CDH7: variants seen among roughly 807,000 people sequenced by gnomAD.
The protein encoded by CDH7 is cadherin-7.
In CDH7, 25 loss-of-function variants were observed where a neutral mutation model predicts 71.8. That is an observed-to-expected ratio of 0.35 (90% CI 0.25 to 0.49). The LOEUF is 0.49. Among genes scored for constraint, CDH7 ranks in the 20% least tolerant of loss-of-function variants. The pLI is 0.99. For missense variants in CDH7, 862 were observed against 974.6 expected (o/e 0.88, Z 1.54); for synonymous variants, 381 against 363.8 (o/e 1.05, Z -0.54).
At chr18:65,874,873 A>G (rs1286922669) in intron 11 of CDH7, among the ~76,000 whole-genome samples, 1 of 152,096 alleles carries the variant, frequency 6.6e-6, no homozygotes, top group African/African-American at 2.4e-5. Flanking sequence ...GCATTCTGAC[A>G]TTTGCAAGCA....
rs186434849 is a variant in CDH7 at position 65,774,159 on chromosome 18, C to T, written c.210+11107C>T. Among the ~76,000 whole-genome samples the T allele has an allele frequency of 2.6e-5, 4 of 151,714 alleles. No homozygotes were observed. The South Asian group carries it at 6.3e-4, about 24-fold the overall frequency. On this transcript the variant is annotated intron_variant, in intron 2 of 11. Transcript: ENST00000397968. ...GTTGATATTGGCATAAATTCTATCCCTCTATTAATACAAGCCATGATCTTA... is the reference window on the plus strand; with the variant it reads ...GTTGATATTGGCATAAATTCTATCCTTCTATTAATACAAGCCATGATCTTA...
At chr18:65,848,379 G>A (rs904516611) in intron 7 of CDH7, among the ~76,000 whole-genome samples, 5 of 152,112 alleles carry the variant, frequency 3.3e-5, no homozygotes, top group African/African-American at 4.8e-5. Flanking sequence ...TTACAATCTG[G>A]ATGAAGTAAT....
chr18:65,814,178 A>G (rs7228436), intron 3 of CDH7, among the ~76,000 whole-genome samples: 1 of 151,888 alleles, frequency 6.6e-6, no homozygotes, highest in Admixed American at 6.6e-5. Flanking sequence ...AATGGATGAG[A>G]CACCTAAAGT....
intron 2 of CDH7, among the ~76,000 whole-genome samples, chr18:65,787,452 G>A (rs777014968): frequency 1.1e-4 from 17 of 152,266 alleles, no homozygotes; most frequent in African/African-American, 3.6e-4. Flanking sequence ...TTCAACAGGC[G>A]TTTACCTACT....
At chr18:65,792,235 A>T (rs932636217) in intron 2 of CDH7, among the ~76,000 whole-genome samples, 1 of 141,022 alleles carries the variant, frequency 7.1e-6, no homozygotes, top group Non-Finnish European at 1.5e-5. Flanking sequence ...TAGGGAAGAC[A>T]TCTTAGAGAA....
At chr18:65,846,495 T>C (rs575010663) in intron 7 of CDH7, among the ~76,000 whole-genome samples, 1 of 152,314 alleles carries the variant, frequency 6.6e-6, no homozygotes, top group South Asian at 2.1e-4. Context: ...ATTAATTTCT[T>C]GAGTCATGTT....
intron 4 of CDH7, 43 bp from the exon 5 acceptor site, chr18:65,822,038 C>T (rs1054535050): frequency 6.8e-7 from 1 of 1,460,670 alleles, no homozygotes; most frequent in Non-Finnish European, 9.6e-7. Context: ...AGTATAAATG[C>T]AGTGATTCAT....
intron 6 of CDH7, among the ~76,000 whole-genome samples, chr18:65,836,347 A>G (rs1912532385): frequency 6.6e-6 from 1 of 152,166 alleles, no homozygotes; most frequent in South Asian, 2.1e-4. Flanking sequence ...AAGTATGAAT[A>G]AGAATCTGGA....
rs887900379 is a variant in CDH7, at chr18:65,887,555, A to G, written c.*6661A>G. On this transcript the variant is annotated 3_prime_UTR_variant, in exon 12 of 12. Coordinates refer to ENST00000397968, the MANE Select transcript of CDH7 (RefSeq NM_004361.5). ...AAAAATAAGTCACTACACAACTTAT[A>G]TATATTATGTATTTGTCTTTGAATT... 7 of 152,102 alleles carry G rather than the reference A, an allele frequency of 4.6e-5. No homozygotes were observed. The allele number at this position is 152,102 out of a possible 1,614,324, so 9.4% of individuals were successfully genotyped here.
intron 1 of CDH7, among the ~76,000 whole-genome samples, chr18:65,755,729 A>G (rs1176956063): frequency 6.6e-6 from 1 of 152,202 alleles, no homozygotes; most frequent in Non-Finnish European, 1.5e-5. Flanking sequence ...GCAACAATGA[A>G]TAAGTACTAT....
intron 2 of CDH7, among the ~76,000 whole-genome samples, chr18:65,782,056 TCC>T (rs1910291897): frequency 4.9e-5 from 3 of 60,610 alleles, no homozygotes; most frequent in Non-Finnish European, 8.2e-5. Flanking sequence ...CTTCCTTCCT[TCC>T]TTCCTTTCTT....
chr18:65,826,305 G>A (rs8083266), intron 6 of CDH7, among the ~76,000 whole-genome samples: 97,397 of 150,838 alleles, frequency 0.65, 32,571 homozygotes, highest in East Asian at 0.97. Context: ...TATCTGTCAG[G>A]CTTTTCTTTT....
At chr18:65,875,122 G>A (rs1280869641) in intron 11 of CDH7, among the ~76,000 whole-genome samples, 1 of 152,178 alleles carries the variant, frequency 6.6e-6, no homozygotes, top group African/African-American at 2.4e-5. Flanking sequence ...TATTTTATGT[G>A]TGGCCCAAGA....
chr18:65,858,940 T>C lies in CDH7; in HGVS notation c.1388T>C (p.Val463Ala). The C allele has an allele frequency of 6.2e-7, 1 of 1,612,202 alleles. No individual in the cohort carries two copies. Among genetic ancestry groups the C allele is most frequent in the Non-Finnish European group, 8.5e-7 (1 of 1,178,430 alleles). ...TATTTATTAGAGAATCCATCTCAAG[T>C]AGGAAGAGGCTATGTGGCCATCACT... is the stretch of plus-strand genomic sequence containing the variant. ...LAMESQNPSQ[V>A]GRGYVAITIL... The change falls in exon 9 of 12, where the codon GTA (valine) becomes GCA (alanine). Residue 463 changes from valine (V) to alanine (A), a missense_variant. Coordinates refer to ENST00000397968, the MANE Select transcript of CDH7 (RefSeq NM_004361.5).
chr18:65,754,787 T>A (rs1431825281), intron 1 of CDH7, among the ~76,000 whole-genome samples: 1 of 152,214 alleles, frequency 6.6e-6, no homozygotes, highest in African/African-American at 2.4e-5. Flanking sequence ...GTTGGTACCC[T>A]ATTTCTACAA....
At chr18:65,847,103 C>T (rs191290623) in intron 7 of CDH7, among the ~76,000 whole-genome samples, 1 of 152,156 alleles carries the variant, frequency 6.6e-6, no homozygotes. Context: ...GCATTAGGCA[C>T]TCCAGTAACT....
intron 11 of CDH7, among the ~76,000 whole-genome samples, chr18:65,878,253 G>T (rs756269113): frequency 3.9e-5 from 6 of 152,066 alleles, no homozygotes; most frequent in Non-Finnish European, 5.9e-5. Context: ...AAAACAAACT[G>T]CTCTGTTGCA....
intron 6 of CDH7, among the ~76,000 whole-genome samples, chr18:65,832,553 A>G (rs1418354205): frequency 6.6e-6 from 1 of 152,040 alleles, no homozygotes; most frequent in Non-Finnish European, 1.5e-5. Flanking sequence ...AAACCTGATT[A>G]TATAGTTTAA....
chr18:65,831,044 C>T (rs1237965441), intron 6 of CDH7, among the ~76,000 whole-genome samples: 1 of 151,964 alleles, frequency 6.6e-6, no homozygotes, highest in African/African-American at 2.4e-5. Flanking sequence ...CTACCTTACA[C>T]TCAGGGAATA....
Sources: gnomAD v4.1 joint callset for allele counts (sites outside exome capture counted in the v4.1 genomes callset) on GRCh38, gnomAD v4.1.1 for gene constraint, MANE v1.5 for transcripts, NCBI Gene and HGNC (gene_info 2026-07-23, HGNC 2026-07-21) for gene names.